The following FUBP3 variants were observed in gnomAD, a reference collection of about 807,000 sequenced individuals.
FUBP3 encodes the protein far upstream element binding protein 3.
Under a neutral mutation model 85.6 loss-of-function variants are expected in FUBP3, and 28 were observed. That is an observed-to-expected ratio of 0.33 (90% CI 0.24 to 0.45). FUBP3 has a LOEUF of 0.45. FUBP3 is among the 20% of genes least tolerant of loss of function. The probability of loss-of-function intolerance (pLI) is 1.00; values close to 1 mark genes in which losing one functional copy is unlikely to be tolerated. For missense variants in FUBP3, 583 were observed against 755.1 expected, an observed-to-expected ratio of 0.77 and a Z score of 2.67; for synonymous variants, 271 against 271.4, an observed-to-expected ratio of 1.00 and a Z score of 0.01.
rs1313603560 is a variant in FUBP3 at position 130,630,710 on chromosome 9, C to G, written c.1200C>G (p.Pro400=). 2 of 1,591,032 alleles carry G rather than the reference C, an allele frequency of 1.3e-6. No individual in the cohort carries two copies. Among genetic ancestry groups the G allele is most frequent in the Non-Finnish European group, 1.7e-6 (2 of 1,170,252 alleles). Residue 400 remains proline, a synonymous_variant, in exon 13 of 19, where the codon CCC becomes CCG. Transcript: ENST00000319725. ...LQRNPPPNSD[P]NLRRFTIRGV... ...GGAACCCCCCTCCCAACAGCGACCC[C>G]AACCTGCGGAGATTCACCATCAGGG...
chr9:130,595,656 A>G lies in FUBP3; in HGVS notation c.190+68A>G, dbSNP rs1830833278. 4 of 791,418 alleles carry G rather than the reference A, an allele frequency of 5.1e-6. No homozygotes were observed. In the Admixed American group the frequency reaches 6.8e-5, roughly 13 times the overall value. The allele number at this position is 791,418 out of a possible 1,614,324, so 49.0% of individuals were successfully genotyped here. ...CCTGCCAGTTAAGTTTGAATTTGTC[A>G]GCCATTACCTTAACGACTCTCTGAA... On this transcript the variant is annotated intron_variant, in intron 2 of 18. Transcript: ENST00000319725.
intron 12 of FUBP3, among the ~76,000 whole-genome samples, chr9:130,627,644 C>T (rs1830032015): frequency 6.6e-6 from 1 of 152,172 alleles, no homozygotes. Context: ...GGCAGGTGTG[C>T]GGGCTGGTGA....
intron 2 of FUBP3, among the ~76,000 whole-genome samples, chr9:130,602,096 A>G (rs1469949890): frequency 1.3e-5 from 2 of 152,156 alleles, no homozygotes; most frequent in Non-Finnish European, 2.9e-5. Flanking sequence ...CACCGCACCC[A>G]GCCAATTCCT....
At chr9:130,598,677 G>C (rs1371619101) in intron 2 of FUBP3, among the ~76,000 whole-genome samples, 1 of 152,248 alleles carries the variant, frequency 6.6e-6, no homozygotes, top group Admixed American at 6.5e-5. Flanking sequence ...TTTTGGATAA[G>C]TAGTTTAAAT....
intron 16 of FUBP3, among the ~76,000 whole-genome samples, chr9:130,632,760 A>G (rs547092267): frequency 6.6e-6 from 1 of 152,334 alleles, no homozygotes; most frequent in African/African-American, 2.4e-5. Flanking sequence ...CTTCTTCTGC[A>G]TCCCGCCTCT....
intron 8 of FUBP3, among the ~76,000 whole-genome samples, chr9:130,618,965 G>T (rs552796296): frequency 6.6e-6 from 1 of 152,306 alleles, no homozygotes; most frequent in Admixed American, 6.5e-5. Context: ...GTCCCCATGC[G>T]CTGCCTCCTC....
rs1328211844 is a variant in FUBP3, at chr9:130,616,261, C to T, written c.405-94C>T. ...GCTGGATGGAGGGCTGCCCTGACTC[C>T]CGCAGGTTTTTCCCTCAGTGCTATT... On this transcript the variant is annotated intron_variant, in intron 6 of 18. Transcript: ENST00000319725. This position sits in a 1 kb window ranked among gnomAD's most constrained non-coding sequence, Gnocchi z 4.7. 1.6e-6 allele frequency: 2 copies of T among 1,212,148 alleles called. No homozygotes were observed. The highest frequency in any genetic ancestry group is 1.5e-5 in the African/African-American group (1 of 66,808). The allele number at this position is 1,212,148 out of a possible 1,614,324, so 75.1% of individuals were successfully genotyped here.
At chr9:130,591,177 G>T (rs369889854) in intron 1 of FUBP3, among the ~76,000 whole-genome samples, 1 of 152,192 alleles carries the variant, frequency 6.6e-6, no homozygotes, top group African/African-American at 2.4e-5. Flanking sequence ...GGGCACGGTG[G>T]CTCACGCCTG....
In FUBP3 at chr9:130,595,475, C is replaced by G. The variant is rs761521159; in HGVS notation, c.85-8C>G. ...TTACTGAGTGTTTAAATCTGATTCT[C>G]TCTGTAGATTGCTGCTAAAATTGAT... On this transcript the variant is annotated splice_polypyrimidine_tract_variant and splice_region_variant and intron_variant, in intron 1 of 18. Transcript: ENST00000319725. 1 of 1,348,354 alleles carries G rather than the reference C, an allele frequency of 7.4e-7. No homozygotes were observed. The highest frequency in any genetic ancestry group is 1.4e-5 in the African/African-American group (1 of 69,960). 83.5% of individuals were successfully genotyped at this position (1,348,354 alleles called of 1,614,324 possible).
intron 10 of FUBP3, among the ~76,000 whole-genome samples, 175 bp from the exon 11 acceptor site, chr9:130,623,436 A>AT (rs1484973174): frequency 6.6e-6 from 1 of 152,214 alleles, no homozygotes; most frequent in Non-Finnish European, 1.5e-5. Flanking sequence ...AAACAATATA[A>AT]TGACACACAT....
At chr9:130,606,708 T>A (rs537761871) in intron 2 of FUBP3, among the ~76,000 whole-genome samples, 1 of 152,146 alleles carries the variant, frequency 6.6e-6, no homozygotes, top group South Asian at 2.1e-4. Context: ...TAATCCCAGC[T>A]ACTCGGGAAG....
intron 1 of FUBP3, among the ~76,000 whole-genome samples, chr9:130,580,502 G>C (rs1830090479): frequency 6.6e-6 from 1 of 152,220 alleles, no homozygotes; most frequent in Non-Finnish European, 1.5e-5. Flanking sequence ...AACAGAACGT[G>C]TTCTTCATTT....
intron 1 of FUBP3, among the ~76,000 whole-genome samples, chr9:130,588,600 T>C (rs770897403): frequency 3.2e-4 from 48 of 152,354 alleles, no homozygotes; most frequent in Non-Finnish European, 5.4e-4. Context: ...ACATTTGTTA[T>C]CTTGTTATCC....
Position 130,634,691 on chromosome 9 carries a change from G to T in FUBP3, c.1535G>T (p.Ser512Ile). Residue 512 changes from serine (S) to isoleucine (I), a missense_variant, in exon 17 of 19, where the codon AGC becomes ATC. By Grantham distance (142) the Ser-to-Ile change is moderately radical. This residue lies in a region of FUBP3 where 404 missense variants were observed against 516.8 expected (regional missense o/e 0.78). Coordinates refer to ENST00000319725, the MANE Select transcript of FUBP3 (RefSeq NM_003934.2). ...VPSQQSQPQS[S>I]QPNYSKAWED... ...GGCCAGCAGAGCCAGCCGCAGAGCA[G>T]CCAGCCCAACTACAGCAAGGCCTGG... 1 of 1,613,974 alleles carries T rather than the reference G, an allele frequency of 6.2e-7. No homozygotes were observed. The highest frequency in any genetic ancestry group is 1.3e-5 in the African/African-American group (1 of 75,072).
intron 8 of FUBP3, among the ~76,000 whole-genome samples, chr9:130,619,263 C>T (rs929489922): frequency 2.7e-5 from 4 of 147,526 alleles, no homozygotes; most frequent in Non-Finnish European, 4.5e-5. Context: ...TTTAACTTAA[C>T]GGGTTTTAGT....
chr9:130,614,190 G>C (rs990250716), intron 5 of FUBP3, 98 bp from the exon 6 acceptor site: 1 of 686,354 alleles, frequency 1.5e-6, no homozygotes, highest in African/African-American at 1.8e-5. Context: ...GCCTCTGCAG[G>C]GCTGGCGTAG....
At position 130,626,390 on chromosome 9, in the gene FUBP3, A is replaced by C; in HGVS notation, c.1002A>C (p.Ala334=). The part of the protein sequence containing the change: ...AQERDGFGGL[A]AARGRGRGRG... ...AAAGAGACGGCTTTGGAGGCCTGGC[A>C]GCAGCCAGAGGAAGAGGTCGTGGCC... The change falls in exon 12 of 19, where the codon GCA becomes GCC. Residue 334 remains alanine (A), a synonymous_variant. Coordinates refer to ENST00000319725, the MANE Select transcript of FUBP3 (RefSeq NM_003934.2). 1 of 1,613,778 alleles carries C rather than the reference A, an allele frequency of 6.2e-7. No individual in the cohort carries two copies. Among genetic ancestry groups the C allele is most frequent in the Non-Finnish European group, 8.5e-7 (1 of 1,179,846 alleles).
chr9:130,583,592 C>A (rs1354614110), intron 1 of FUBP3, among the ~76,000 whole-genome samples: 1 of 152,142 alleles, frequency 6.6e-6, no homozygotes, highest in Non-Finnish European at 1.5e-5. Flanking sequence ...GGGACTAACT[C>A]CTGCCTGTAC....
chr9:130,587,067 TGTTTG>T (rs1423555054), intron 1 of FUBP3, among the ~76,000 whole-genome samples: 11 of 124,132 alleles, frequency 8.9e-5, no homozygotes, highest in South Asian at 2.5e-4. Flanking sequence ...TTTTTTTTTT[TGTTTG>T]TTTGTTTTTT....
Sources: gnomAD v4.1 joint callset for allele counts (sites outside exome capture counted in the v4.1 genomes callset) on GRCh38, gnomAD v4.1.1 for gene constraint, gnomAD v4.1.1 regional missense constraint, Gnocchi (gnomAD v3.1) non-coding constraint, MANE v1.5 for transcripts, NCBI Gene and HGNC (gene_info 2026-07-23, HGNC 2026-07-21) for gene names.